AHDC1: variants seen among roughly 807,000 people sequenced by gnomAD.
AHDC1 encodes transcription factor Gibbin.
In AHDC1, 7 loss-of-function variants were observed where a neutral mutation model predicts 87.9. The ratio of observed to expected loss-of-function variants is 0.08; its 90% CI spans 0.05 to 0.15. The LOEUF (loss-of-function observed/expected upper bound fraction) is 0.15. Ranked by LOEUF, AHDC1 falls within the 10% of genes least tolerant of loss-of-function variation. AHDC1 has a pLI of 1.00. For synonymous variants in AHDC1, 1,051 were observed against 1,006.8 expected, an observed-to-expected ratio of 1.04 and a Z score of -0.83; for missense variants, 1,841 against 2,253.2, an observed-to-expected ratio of 0.82 and a Z score of 3.70.
chr1:27,562,861 G>A lies in AHDC1; in HGVS notation c.-628-3978C>T, dbSNP rs1571272380. On this transcript the variant is annotated intron_variant, in intron 3 of 8. Coordinates refer to ENST00000673934, the MANE Select transcript of AHDC1 (RefSeq NM_001371928.1). This position sits in a 1 kb window ranked among gnomAD's most constrained non-coding sequence, Gnocchi z 4.4. ...CACATGCCACTCCCCACAACAGCCT[G>A]CGACGGGCACATGGTGACATCTCAC... Among the ~76,000 whole-genome samples the A allele has an allele frequency of 6.6e-6, 1 of 152,158 alleles. No individual in the cohort carries two copies. Among genetic ancestry groups the A allele is most frequent in the South Asian group, 2.1e-4 (1 of 4,834 alleles).
chr1:27,579,044 C>CT (rs367554284), intron 3 of AHDC1, among the ~76,000 whole-genome samples: 8,186 of 133,326 alleles, frequency 0.061, 281 homozygotes, highest in Middle Eastern at 0.11. Context: ...TGTTCTAAAT[C>CT]TTTTTTTTTT....
chr1:27,577,073 A>T (rs1042411412), intron 3 of AHDC1, among the ~76,000 whole-genome samples: 1 of 151,870 alleles, frequency 6.6e-6, no homozygotes, highest in South Asian at 2.1e-4. Flanking sequence ...ATCCCTCAAC[A>T]TTCTTCCTGG....
chr1:27,557,209 G>A (rs1230530408), intron 5 of AHDC1, among the ~76,000 whole-genome samples: 1 of 151,264 alleles, frequency 6.6e-6, no homozygotes, highest in African/African-American at 2.4e-5. Flanking sequence ...CCTGCCGGCG[G>A]CCCTCCCTTC....
Position 27,549,687 on chromosome 1 carries a change from G to A in AHDC1, c.2429C>T (p.Ala810Val). Reference sequence around the variant, plus strand: ...GCTGTAGTAGCTGCCACGGCCTGAGGCTCCACTCTCCAGCCCAGTGGAGGC... The same window carrying A: ...GCTGTAGTAGCTGCCACGGCCTGAGACTCCACTCTCCAGCCCAGTGGAGGC... ...AFASTGLESG[A>V]SGRGSYYSTG... The change falls in exon 8 of 9, where the codon GCC becomes GTC. Residue 810 changes from alanine (A) to valine (V), a missense_variant. Ala to Val is a moderately conservative substitution (Grantham distance 64). This residue lies in a region of AHDC1 where 236 missense variants were observed against 257.9 expected (regional missense o/e 0.92). Coordinates refer to ENST00000673934, the MANE Select transcript of AHDC1 (RefSeq NM_001371928.1). 1 of 1,612,726 alleles carries A rather than the reference G, an allele frequency of 6.2e-7. No individual in the cohort carries two copies. The highest frequency in any genetic ancestry group is 8.5e-7 in the Non-Finnish European group (1 of 1,179,922).
chr1:27,563,369 G>A lies in AHDC1; in HGVS notation c.-628-4486C>T, dbSNP rs1293382428. Reference sequence around the variant, plus strand: ...GACACACACACACACACACACACACGTGGGACAAGTCCCATCTTCCAGGTG... The same window carrying A: ...GACACACACACACACACACACACACATGGGACAAGTCCCATCTTCCAGGTG... On this transcript the variant is annotated intron_variant, in intron 3 of 8. Coordinates refer to ENST00000673934, the MANE Select transcript of AHDC1 (RefSeq NM_001371928.1). The surrounding 1 kb of genome is among the most constrained non-coding windows in gnomAD (Gnocchi z 6.1). Among the ~76,000 whole-genome samples, 1 of 151,526 alleles carries A rather than the reference G, an allele frequency of 6.6e-6. No homozygotes were observed. Among genetic ancestry groups the A allele is most frequent in the Admixed American group, 6.6e-5 (1 of 15,214 alleles).
intron 3 of AHDC1, among the ~76,000 whole-genome samples, chr1:27,591,789 C>A (rs1325630692): frequency 6.6e-6 from 1 of 152,196 alleles, no homozygotes; most frequent in Non-Finnish European, 1.5e-5. Flanking sequence ...CTCAGATTCC[C>A]CATCTGTAAA....
chr1:27,536,069 G>T lies in AHDC1; in HGVS notation c.*44-1153C>A, dbSNP rs185107604. Among the ~76,000 whole-genome samples the T allele has an allele frequency of 1.6e-4, 24 of 152,244 alleles. No homozygotes were observed. In the East Asian group the frequency reaches 3.9e-3, roughly 25 times the overall value. ...AGGGCGAGGTGAGGATGCTGAAAGGGCCTCCTCAGGTTCCTTAGGAGCCCA... is the reference window on the plus strand; with the variant it reads ...AGGGCGAGGTGAGGATGCTGAAAGGTCCTCCTCAGGTTCCTTAGGAGCCCA... On this transcript the variant is annotated intron_variant, in intron 8 of 8. Coordinates refer to ENST00000673934, the MANE Select transcript of AHDC1 (RefSeq NM_001371928.1).
intron 3 of AHDC1, among the ~76,000 whole-genome samples, chr1:27,578,870 G>C (rs1360325195): frequency 6.6e-6 from 1 of 151,694 alleles, no homozygotes; most frequent in Non-Finnish European, 1.5e-5. Context: ...CTAATTTTTT[G>C]TATTTTTAGT....
At chr1:27,542,038 A>G (rs2018947384) in intron 8 of AHDC1, among the ~76,000 whole-genome samples, 1 of 152,250 alleles carries the variant, frequency 6.6e-6, no homozygotes, top group Non-Finnish European at 1.5e-5. Context: ...CCTGGCCCCA[A>G]GCAGGTCACT....
intron 8 of AHDC1, among the ~76,000 whole-genome samples, chr1:27,537,785 C>T (rs959034936): frequency 6.6e-5 from 10 of 152,126 alleles, no homozygotes; most frequent in South Asian, 4.1e-4. Flanking sequence ...CCTCATGCTC[C>T]GGTGGTTTCA....
In AHDC1 at chr1:27,534,356, AC is replaced by A. The variant is rs1363918143; in HGVS notation, c.*603del. The stretch of plus-strand genomic sequence containing the variant: ...CTGCCAACAGAAAACAACAACAACA[AC>A]AACAGAAGAGAAAACCCAAAAGAGT... On this transcript the variant is annotated 3_prime_UTR_variant, in exon 9 of 9. Transcript: ENST00000673934. 4 of 150,910 alleles carry A rather than the reference AC, an allele frequency of 2.7e-5. No homozygotes were observed. The highest frequency in any genetic ancestry group is 5.9e-5 in the Non-Finnish European group (4 of 67,770). The allele number at this position is 150,910 out of a possible 1,614,324, so 9.3% of individuals were successfully genotyped here.
At chr1:27,553,895 G>A (rs973028250) in intron 5 of AHDC1, among the ~76,000 whole-genome samples, 5 of 151,926 alleles carry the variant, frequency 3.3e-5, no homozygotes, top group African/African-American at 7.3e-5. Flanking sequence ...GCGTGACCTC[G>A]TCCCTACAAA....
intron 3 of AHDC1, among the ~76,000 whole-genome samples, chr1:27,574,883 T>C (rs1426042597): frequency 6.6e-6 from 1 of 152,146 alleles, no homozygotes; most frequent in African/African-American, 2.4e-5. Flanking sequence ...TCTTGTAAAA[T>C]GAAGCCCCTC....
At chr1:27,544,890 G>C (rs1428310726) in intron 8 of AHDC1, among the ~76,000 whole-genome samples, 1 of 152,180 alleles carries the variant, frequency 6.6e-6, no homozygotes, top group Non-Finnish European at 1.5e-5. Context: ...GGATCCCCAC[G>C]TGTCTGGGAA....
rs1022241786 is a variant in AHDC1, at chr1:27,598,400, GA to G, written c.-629+4996del. ...CAGGCCCTGCAGGAGAGGGATCCTT[GA>G]TGCCCACCTTCCTCATCCCCTGGCC... On this transcript the variant is annotated intron_variant, in intron 3 of 8. Coordinates refer to ENST00000673934, the MANE Select transcript of AHDC1 (RefSeq NM_001371928.1). This position sits in a 1 kb window ranked among gnomAD's most constrained non-coding sequence, Gnocchi z 4.2. Among the ~76,000 whole-genome samples, 1 of 152,192 alleles carries G rather than the reference GA, an allele frequency of 6.6e-6. No homozygotes were observed. The highest frequency in any genetic ancestry group is 1.5e-5 in the Non-Finnish European group (1 of 68,014).
chr1:27,573,137 G>A (rs1007125239), intron 3 of AHDC1, among the ~76,000 whole-genome samples: 2 of 152,112 alleles, frequency 1.3e-5, no homozygotes, highest in Admixed American at 6.5e-5. Flanking sequence ...TCTGGGGGTG[G>A]GGTGGGGATA....
At position 27,547,296 on chromosome 1, in the gene AHDC1, A is replaced by G; in HGVS notation, c.*8T>C. On this transcript the variant is annotated 3_prime_UTR_variant, in exon 8 of 9. Transcript: ENST00000673934. This position sits in a 1 kb window ranked among gnomAD's most constrained non-coding sequence, Gnocchi z 4.9. Reference sequence around the variant, plus strand: ...AACCTCGCGGTCCAGTCGGCACTTCAGTTGGCACTACAGGGATGTGACGGT... The same window carrying G: ...AACCTCGCGGTCCAGTCGGCACTTCGGTTGGCACTACAGGGATGTGACGGT... The G allele has an allele frequency of 6.6e-7, 1 of 1,522,304 alleles. No homozygotes were observed. The highest frequency in any genetic ancestry group is 1.3e-5 in the South Asian group (1 of 76,264). 94.3% of individuals were successfully genotyped at this position (1,522,304 alleles called of 1,614,324 possible). A position where few individuals can be genotyped will look rare whatever the true frequency, so the allele number is the denominator to read the frequency against.
At chr1:27,583,783 G>A (rs2088974030) in intron 3 of AHDC1, among the ~76,000 whole-genome samples, 1 of 152,150 alleles carries the variant, frequency 6.6e-6, no homozygotes. Flanking sequence ...TGTGAAATAA[G>A]GATAATATGA....
chr1:27,541,242 T>C (rs1304561019), intron 8 of AHDC1, among the ~76,000 whole-genome samples: 1 of 152,188 alleles, frequency 6.6e-6, no homozygotes, highest in African/African-American at 2.4e-5. Flanking sequence ...TTTTAGAGGG[T>C]GGTCCCTGTT....
Sources: gnomAD v4.1 joint callset for allele counts (sites outside exome capture counted in the v4.1 genomes callset) on GRCh38, gnomAD v4.1.1 for gene constraint, gnomAD v4.1.1 regional missense constraint, Gnocchi (gnomAD v3.1) non-coding constraint, MANE v1.5 for transcripts, NCBI Gene and HGNC (gene_info 2026-07-23, HGNC 2026-07-21) for gene names.